The following NUGGC variants were observed in gnomAD, a reference collection of about 807,000 sequenced individuals.
NUGGC encodes nuclear GTPase SLIP-GC.
NUGGC carries 58 observed loss-of-function variants against 92.6 expected under a neutral mutation model. The observed-to-expected ratio is 0.63, with a 90% CI of 0.51 to 0.78. The LOEUF (loss-of-function observed/expected upper bound fraction) is 0.78, where lower values mean the gene tolerates loss of function less well. Ranked by LOEUF, NUGGC falls within the 30% of genes least tolerant of loss-of-function variation. The pLI is 0.00. For missense variants in NUGGC, 925 were observed against 964.6 expected (o/e 0.96, Z 0.54); for synonymous variants, 376 against 366.4 (o/e 1.03, Z -0.30).
chr8:28,074,543 G>A (rs1810672803), intron 1 of NUGGC, 87 bp from the exon 2 acceptor site: 9 of 824,974 alleles, frequency 1.1e-5, no homozygotes, highest in South Asian at 5.8e-5. Context: ...GTCTGCTTGT[G>A]CGGTATTTCT....
chr8:28,025,736 A>T (rs954571703), intron 18 of NUGGC, among the ~76,000 whole-genome samples: 1 of 152,236 alleles, frequency 6.6e-6, no homozygotes, highest in Non-Finnish European at 1.5e-5. Flanking sequence ...AGAAGCAGCC[A>T]TTGTGGCTTT....
At chr8:28,062,387 A>C (rs1273077222) in intron 7 of NUGGC, among the ~76,000 whole-genome samples, 2 of 152,006 alleles carry the variant, frequency 1.3e-5, no homozygotes, top group Non-Finnish European at 2.9e-5. Flanking sequence ...GGGAGGCTAA[A>C]GCAGGCAGAT....
At chr8:28,076,897 T>A (rs892245535) in intron 1 of NUGGC, among the ~76,000 whole-genome samples, 2 of 152,178 alleles carry the variant, frequency 1.3e-5, no homozygotes, top group Non-Finnish European at 2.9e-5. Context: ...AGAAAGCATT[T>A]TGGTTTAACA....
At chr8:28,045,273 G>A (rs929396828) in intron 12 of NUGGC, among the ~76,000 whole-genome samples, 2 of 152,166 alleles carry the variant, frequency 1.3e-5, no homozygotes, top group African/African-American at 4.8e-5. Context: ...TCTCAGGAGA[G>A]TTGGAAAATA....
intron 8 of NUGGC, among the ~76,000 whole-genome samples, chr8:28,059,872 T>G (rs537282634): frequency 3.3e-4 from 50 of 152,052 alleles, no homozygotes; most frequent in African/African-American, 1.1e-3. Flanking sequence ...AATACAAAAA[T>G]TAGCTGGGTG....
rs567433517 is a variant in NUGGC at position 28,030,112 on chromosome 8, G to A, written c.2017+198C>T. Among the ~76,000 whole-genome samples the A allele has an allele frequency of 2.4e-4, 37 of 152,336 alleles. No homozygotes were observed. In the South Asian group the frequency reaches 7.7e-3, roughly 32 times the overall value. On this transcript the variant is annotated intron_variant, in intron 16 of 18. Coordinates refer to ENST00000413272, the MANE Select transcript of NUGGC (RefSeq NM_001010906.2). Reference sequence around the variant, plus strand: ...AAGCAGGGTGTCTGGACCAAGGGTAGACAGAAAGAGCTGGAAAACACACAG... The same window carrying A: ...AAGCAGGGTGTCTGGACCAAGGGTAAACAGAAAGAGCTGGAAAACACACAG...
At chr8:28,038,473 CG>C (rs962177984) in intron 13 of NUGGC, among the ~76,000 whole-genome samples, 3 of 152,154 alleles carry the variant, frequency 2.0e-5, no homozygotes, top group Admixed American at 6.5e-5. Flanking sequence ...ACATAGGTAC[CG>C]TGGTCCTCAA....
At chr8:28,060,815 AT>A (rs1810285397) in intron 7 of NUGGC, among the ~76,000 whole-genome samples, 1 of 151,938 alleles carries the variant, frequency 6.6e-6, no homozygotes, top group South Asian at 2.1e-4. Flanking sequence ...CCTAGCCCCC[AT>A]TTGTTCCTCA....
intron 13 of NUGGC, 56 bp from the exon 14 acceptor site, chr8:28,033,753 T>C: frequency 6.7e-7 from 1 of 1,493,824 alleles, no homozygotes; most frequent in South Asian, 1.2e-5. Context: ...GGTCACTGGA[T>C]TAGAATTGCA....
chr8:28,053,549 T>A (rs1810060152), intron 10 of NUGGC, among the ~76,000 whole-genome samples: 1 of 151,896 alleles, frequency 6.6e-6, no homozygotes, highest in African/African-American at 2.4e-5. Context: ...TAATTCAAAC[T>A]GAAATAAAGT....
Position 28,067,752 on chromosome 8 carries a change from G to T in NUGGC, c.481-8C>A. 1.3e-6 allele frequency: 2 copies of T among 1,596,168 alleles called. No individual in the cohort carries two copies. Among genetic ancestry groups the T allele is most frequent in the Non-Finnish European group, 1.7e-6 (2 of 1,166,930 alleles). On this transcript the variant is annotated splice_region_variant and splice_polypyrimidine_tract_variant and intron_variant, in intron 5 of 18. Coordinates refer to ENST00000413272, the MANE Select transcript of NUGGC (RefSeq NM_001010906.2). ...CAGCTCCTCCCTCCACTCCTGCCAAGGCAGAGTAGGGCCAAGCCCCTCTTG... is the reference window on the plus strand; with the variant it reads ...CAGCTCCTCCCTCCACTCCTGCCAATGCAGAGTAGGGCCAAGCCCCTCTTG...
chr8:28,049,345 T>C (rs558456876), intron 10 of NUGGC, among the ~76,000 whole-genome samples: 2 of 152,350 alleles, frequency 1.3e-5, no homozygotes, highest in Non-Finnish European at 2.9e-5. Context: ...TAGGGAAAGC[T>C]GAAACTATTT....
chr8:28,048,547 T>C (rs919905917), intron 10 of NUGGC, among the ~76,000 whole-genome samples: 2 of 152,148 alleles, frequency 1.3e-5, no homozygotes, highest in Non-Finnish European at 2.9e-5. Context: ...TGAGTAATCA[T>C]ACACATTTTA....
intron 17 of NUGGC, among the ~76,000 whole-genome samples, chr8:28,028,282 T>C (rs1282006640): frequency 6.6e-6 from 1 of 152,232 alleles, no homozygotes; most frequent in Non-Finnish European, 1.5e-5. Flanking sequence ...CATGAATTTT[T>C]AGACGGTGAT....
At chr8:28,054,213 G>A (rs1810075844) in intron 10 of NUGGC, among the ~76,000 whole-genome samples, 1 of 152,170 alleles carries the variant, frequency 6.6e-6, no homozygotes, top group Admixed American at 6.5e-5. Context: ...CAGACGTGGT[G>A]GCTCACGTTG....
At chr8:28,069,888 G>C (rs1288658108) in intron 3 of NUGGC, among the ~76,000 whole-genome samples, 1 of 152,246 alleles carries the variant, frequency 6.6e-6, no homozygotes, top group African/African-American at 2.4e-5. Flanking sequence ...GGTAACAGAA[G>C]TTATGGTATG....
At chr8:28,053,510 G>A (rs735880) in intron 10 of NUGGC, among the ~76,000 whole-genome samples, 31,712 of 151,982 alleles carry the variant, frequency 0.21, 3,804 homozygotes, top group East Asian at 0.43. Flanking sequence ...TCCAAACAAC[G>A]GCATGTAGTA....
chr8:28,035,946 G>A (rs897120510), intron 13 of NUGGC, among the ~76,000 whole-genome samples: 7 of 152,330 alleles, frequency 4.6e-5, no homozygotes, highest in Middle Eastern at 3.4e-3. Context: ...GCAGTGGCAC[G>A]ACCATAGCTC....
chr8:28,052,629 C>A (rs78011402), intron 10 of NUGGC, among the ~76,000 whole-genome samples: 1 of 152,126 alleles, frequency 6.6e-6, no homozygotes, highest in Non-Finnish European at 1.5e-5. Flanking sequence ...GGGAGCATGG[C>A]GCTGCTAATA....
Sources: allele counts gnomAD v4.1 joint callset (sites outside exome capture counted in the v4.1 genomes callset), GRCh38; gene constraint gnomAD v4.1.1; transcripts MANE v1.5; gene names NCBI Gene and HGNC (gene_info 2026-07-23, HGNC 2026-07-21).